The following MCOLN3 variants were observed in gnomAD, a reference collection of about 807,000 sequenced individuals.
MCOLN3 encodes the protein mucolipin-3.
In MCOLN3, 62 loss-of-function variants were observed where a neutral mutation model predicts 69.4. The observed-to-expected ratio is 0.89, with a 90% confidence interval of 0.73 to 1.10. MCOLN3 has a LOEUF of 1.10. MCOLN3 is among the 50% of genes least tolerant of loss of function. The pLI, the probability that MCOLN3 is intolerant of heterozygous loss-of-function variation, is 0.00. For missense variants in MCOLN3, 564 were observed against 656.4 expected, an observed-to-expected ratio of 0.86 and a Z score of 1.54; for synonymous variants, 183 against 217.0, an observed-to-expected ratio of 0.84 and a Z score of 1.38.
rs2102930867 is a variant in MCOLN3 at position 85,032,906 on chromosome 1, C to T, written c.601G>A (p.Glu201Lys). The change falls in exon 5 of 13, where the codon GAA becomes AAA. Residue 201 changes from glutamate (E) to lysine (K), a missense_variant. Coordinates refer to ENST00000370589, the MANE Select transcript of MCOLN3 (RefSeq NM_018298.11). ...TCCAGTGTTAAGTTCAGTTTATTTT[C>T]TGCTGGTGTCCCAATGTGAAAAGGT... is the stretch of plus-strand genomic sequence containing the variant. ...DEPFHIGTPAENKLNLTLDFH... is the reference protein window; with the variant it reads ...DEPFHIGTPAKNKLNLTLDFH... 1 of 1,614,136 alleles carries T rather than the reference C, an allele frequency of 6.2e-7. No homozygotes were observed. Among genetic ancestry groups the T allele is most frequent in the East Asian group, 2.2e-5 (1 of 44,886 alleles).
At chr1:85,027,038 G>T (rs1465583018) in intron 7 of MCOLN3, among the ~76,000 whole-genome samples, 1 of 151,822 alleles carries the variant, frequency 6.6e-6, no homozygotes, top group East Asian at 1.9e-4. Context: ...ACAGACATGA[G>T]CCACCATGCC....
At position 85,045,306 on chromosome 1, in the gene MCOLN3, G is replaced by A. The variant is rs369130424; in HGVS notation, c.55C>T (p.Arg19Cys). 9 of 1,613,956 alleles carry A rather than the reference G, an allele frequency of 5.6e-6. No homozygotes were observed. The Admixed American group carries it at 6.7e-5, about 12-fold the overall frequency. ...GATGTTTGCTGGTTAAAATTGCAGCGATTTTCCTCTTCATGAGAGCTGCAG... is the reference window on the plus strand; with the variant it reads ...GATGTTTGCTGGTTAAAATTGCAGCAATTTTCCTCTTCATGAGAGCTGCAG... ...SSCSSHEEEN[R>C]CNFNQQTSPS... The change falls in exon 2 of 13, where the codon CGC (arginine) becomes TGC (cysteine). Residue 19 changes from arginine (R) to cysteine (C), a missense_variant. Coordinates refer to ENST00000370589, the MANE Select transcript of MCOLN3 (RefSeq NM_018298.11).
chr1:85,048,098 G>A (rs563225997), intron 1 of MCOLN3, among the ~76,000 whole-genome samples: 11 of 152,342 alleles, frequency 7.2e-5, no homozygotes, highest in African/African-American at 1.9e-4. Flanking sequence ...CTGGCCACAG[G>A]TGGGCGGCGG....
intron 11 of MCOLN3, 76 bp from the exon 12 acceptor site, chr1:85,021,352 T>C: frequency 8.0e-7 from 1 of 1,249,576 alleles, no homozygotes. Context: ...TGACATTGTA[T>C]TAAACATAAA....
chr1:85,022,722 A>G, intron 9 of MCOLN3: 1 of 211,202 alleles, frequency 4.7e-6, no homozygotes, highest in Non-Finnish European at 9.4e-6. Context: ...GAAGGGAGGG[A>G]GGGAGAAGTC....
chr1:85,028,256 G>A (rs1360997168), intron 7 of MCOLN3, among the ~76,000 whole-genome samples: 1 of 152,040 alleles, frequency 6.6e-6, no homozygotes, highest in African/African-American at 2.4e-5. Context: ...TCATTATTAC[G>A]TCTGAACTTG....
rs1653275824 is a variant in MCOLN3 at position 85,045,086 on chromosome 1, T to C, written c.228+47A>G. On this transcript the variant is annotated intron_variant, in intron 2 of 12. Coordinates refer to ENST00000370589, the MANE Select transcript of MCOLN3 (RefSeq NM_018298.11). ...AAAAACCACTGTCCATAGTTATCTT[T>C]GTAATTAAAAGAGGCTTTCACCAAA... 4 of 1,461,922 alleles carry C rather than the reference T, an allele frequency of 2.7e-6. No homozygotes were observed. The African/African-American group carries it at 4.3e-5, about 16-fold the overall frequency. The allele number at this position is 1,461,922 out of a possible 1,614,324, so 90.6% of individuals were successfully genotyped here. A position where few individuals can be genotyped will look rare whatever the true frequency, so the allele number is the denominator to read the frequency against.
At chr1:85,026,361 A>G in intron 7 of MCOLN3, 77 bp from the exon 8 acceptor site, 1 of 977,438 alleles carries the variant, frequency 1.0e-6, no homozygotes, top group South Asian at 1.4e-5. Context: ...AGAATCATTT[A>G]AATAATTCAA....
At chr1:85,047,126 T>C (rs1424448622) in intron 1 of MCOLN3, among the ~76,000 whole-genome samples, 1 of 152,102 alleles carries the variant, frequency 6.6e-6, no homozygotes. Context: ...TGTTGGTGAG[T>C]TGTATATTGA....
At chr1:85,025,742 G>C (rs1652181305) in intron 9 of MCOLN3, 197 bp downstream of exon 9, 2 of 552,910 alleles carry the variant, frequency 3.6e-6, no homozygotes, top group Non-Finnish European at 6.4e-6. Flanking sequence ...GCAATGGTTT[G>C]TGGATCACAC....
intron 3 of MCOLN3, among the ~76,000 whole-genome samples, chr1:85,039,954 A>AG (rs1400545084): frequency 2.0e-5 from 3 of 150,888 alleles, no homozygotes; most frequent in Admixed American, 6.6e-5. Context: ...CTGTCTCAAA[A>AG]AAAAAAAAAT....
At chr1:85,031,096 C>G (rs1287855246) in intron 6 of MCOLN3, among the ~76,000 whole-genome samples, 2 of 151,970 alleles carry the variant, frequency 1.3e-5, no homozygotes, top group Non-Finnish European at 2.9e-5. Flanking sequence ...CATGGTGAAA[C>G]CCCATCTCTA....
At chr1:85,023,691 T>C (rs1313563253) in intron 9 of MCOLN3, among the ~76,000 whole-genome samples, 4 of 152,132 alleles carry the variant, frequency 2.6e-5, no homozygotes, top group East Asian at 1.9e-4. Context: ...TTGGGAATCA[T>C]TGGCATATAG....
intron 3 of MCOLN3, among the ~76,000 whole-genome samples, 183 bp from the exon 4 acceptor site, chr1:85,034,434 G>C (rs1461605920): frequency 6.6e-6 from 1 of 152,188 alleles, no homozygotes; most frequent in Non-Finnish European, 1.5e-5. Context: ...TCACAAATTA[G>C]AGTTCTAGAT....
chr1:85,043,561 T>C (rs758028697), intron 2 of MCOLN3, among the ~76,000 whole-genome samples: 16 of 151,580 alleles, frequency 1.1e-4, no homozygotes, highest in Non-Finnish European at 2.1e-4. Flanking sequence ...CATGATGACA[T>C]CTATAAAATG....
chr1:85,042,153 A>G (rs993286060), intron 2 of MCOLN3, among the ~76,000 whole-genome samples: 3 of 152,192 alleles, frequency 2.0e-5, no homozygotes, highest in African/African-American at 7.2e-5. Context: ...CCTCATACTA[A>G]TCCTGCGGTG....
At chr1:85,042,465 A>G (rs1653119316) in intron 2 of MCOLN3, among the ~76,000 whole-genome samples, 1 of 152,252 alleles carries the variant, frequency 6.6e-6, no homozygotes, top group Admixed American at 6.5e-5. Context: ...CCTCAATAAG[A>G]TGACATCTTG....
intron 7 of MCOLN3, among the ~76,000 whole-genome samples, chr1:85,027,969 T>C (rs575042763): frequency 6.6e-6 from 1 of 152,366 alleles, no homozygotes; most frequent in South Asian, 2.1e-4. Flanking sequence ...ATCCCATTAG[T>C]ATCTGCCAAG....
chr1:85,030,949 G>A (rs993047223), intron 6 of MCOLN3, among the ~76,000 whole-genome samples: 2 of 152,116 alleles, frequency 1.3e-5, no homozygotes, highest in Non-Finnish European at 2.9e-5. Context: ...GAGGCGTGGG[G>A]GATAAATAAG....
Sources: allele counts gnomAD v4.1 joint callset (sites outside exome capture counted in the v4.1 genomes callset), GRCh38; gene constraint gnomAD v4.1.1; transcripts MANE v1.5; gene names NCBI Gene and HGNC (gene_info 2026-07-23, HGNC 2026-07-21).